Variants in CNIH3 observed in about 807,000 individuals in gnomAD.
The protein encoded by CNIH3 is cornichon family AMPA receptor auxiliary protein 3.
CNIH3 carries 14 observed loss-of-function variants against 24.1 expected under a neutral mutation model. That is an observed-to-expected ratio of 0.58 (90% CI 0.38 to 0.91). The LOEUF (loss-of-function observed/expected upper bound fraction) is 0.91. Ranked by LOEUF, CNIH3 falls within the 40% of genes least tolerant of loss-of-function variation. The pLI is 0.00. For synonymous variants in CNIH3, 68 were observed against 73.8 expected (o/e 0.92, Z 0.40); for missense variants, 178 against 196.8 (o/e 0.90, Z 0.57).
intron 3 of CNIH3, among the ~76,000 whole-genome samples, chr1:224,696,203 T>C (rs1361705230): frequency 6.6e-6 from 1 of 152,214 alleles, no homozygotes; most frequent in Non-Finnish European, 1.5e-5. Flanking sequence ...TCCTTGTCCA[T>C]GTGGACCATG....
chr1:224,529,989 C>T (rs791511), intron 2 of CNIH3, among the ~76,000 whole-genome samples: 4 of 151,988 alleles, frequency 2.6e-5, no homozygotes, highest in Admixed American at 6.6e-5. Context: ...TATTGCTGAG[C>T]GCTTGCTATG....
At chr1:224,607,955 T>G (rs1682503445) in intron 3 of CNIH3, among the ~76,000 whole-genome samples, 1 of 152,182 alleles carries the variant, frequency 6.6e-6, no homozygotes. Context: ...TGCAATAAAT[T>G]ACATGCAAGA....
rs780005600 is a variant in CNIH3, at chr1:224,734,559, G to A, written c.312-4G>A. The A allele has an allele frequency of 1.9e-6, 3 of 1,614,022 alleles. No homozygotes were observed. In the Admixed American group the frequency reaches 5.0e-5, roughly 27 times the overall value. On this transcript the variant is annotated splice_region_variant and splice_polypyrimidine_tract_variant and intron_variant, in intron 4 of 5. Coordinates refer to ENST00000272133, the MANE Select transcript of CNIH3 (RefSeq NM_152495.2). ...AGAGACAATGATGTCCTCTCTCCCT[G>A]CAGGTATTTCCACTGTCCAGCAGAT...
intron 1 of CNIH3, among the ~76,000 whole-genome samples, chr1:224,641,330 A>G (rs1293064487): frequency 1.3e-5 from 2 of 152,154 alleles, no homozygotes; most frequent in East Asian, 3.9e-4. Flanking sequence ...CCTAAGCTTG[A>G]CATGTATGAC....
At chr1:224,446,609 G>T (rs181405302) in intron 1 of CNIH3, among the ~76,000 whole-genome samples, 1 of 152,072 alleles carries the variant, frequency 6.6e-6, no homozygotes. Flanking sequence ...AAAGATGAAC[G>T]CCCACATCAG....
chr1:224,530,842 C>A (rs902116777), intron 2 of CNIH3, among the ~76,000 whole-genome samples: 2 of 152,174 alleles, frequency 1.3e-5, no homozygotes, highest in African/African-American at 4.8e-5. Flanking sequence ...TTGTGATACA[C>A]CTGCCTCGGC....
intron 1 of CNIH3, among the ~76,000 whole-genome samples, chr1:224,519,881 T>C (rs1369799291): frequency 6.6e-6 from 1 of 152,160 alleles, no homozygotes; most frequent in Non-Finnish European, 1.5e-5. Context: ...ATTGATTTTG[T>C]CAGTCACAGT....
At chr1:224,511,162 T>G (rs1192742698), upstream of CNIH3, among the ~76,000 whole-genome samples, 2 of 152,118 alleles carry the variant, frequency 1.3e-5, no homozygotes. Context: ...ATAGGTTTCT[T>G]CTTTATCAGT....
intron 5 of CNIH3, among the ~76,000 whole-genome samples, chr1:224,735,880 G>A (rs1264392827): frequency 6.6e-6 from 1 of 151,872 alleles, no homozygotes; most frequent in Non-Finnish European, 1.5e-5. Context: ...TGCCCAGGCA[G>A]GTCTTGAACT....
chr1:224,661,213 G>A (rs1000139495), intron 1 of CNIH3: 17 of 286,072 alleles, frequency 5.9e-5, no homozygotes, highest in African/African-American at 3.9e-4. Flanking sequence ...ACCATGTATC[G>A]TTAAGGACTT....
intron 1 of CNIH3, among the ~76,000 whole-genome samples, chr1:224,630,260 TGAG>T (rs1318354921): frequency 2.6e-5 from 4 of 152,142 alleles, no homozygotes; most frequent in Non-Finnish European, 4.4e-5. Flanking sequence ...CATCTGTGGT[TGAG>T]GAGGAGAGAG....
chr1:224,472,748 G>T (rs1446606727), intron 1 of CNIH3, among the ~76,000 whole-genome samples: 1 of 152,136 alleles, frequency 6.6e-6, no homozygotes, highest in Non-Finnish European at 1.5e-5. Context: ...ACTTATTCAT[G>T]TAACCAGACA....
At chr1:224,607,203 G>C (rs1444206288) in intron 3 of CNIH3, among the ~76,000 whole-genome samples, 1 of 152,172 alleles carries the variant, frequency 6.6e-6, no homozygotes, top group Non-Finnish European at 1.5e-5. Flanking sequence ...CTTTCCAATG[G>C]TAAGTGCTGT....
chr1:224,465,554 T>G (rs1168930821), intron 1 of CNIH3, among the ~76,000 whole-genome samples: 1 of 152,260 alleles, frequency 6.6e-6, no homozygotes, highest in African/African-American at 2.4e-5. Context: ...CTTACACATT[T>G]GTTATAAACC....
At chr1:224,434,835 T>G in exon 1 of CNIH3, 1 of 985,534 alleles carries the variant, frequency 1.0e-6, no homozygotes, top group Non-Finnish European at 1.2e-6. Flanking sequence ...ATGCCTATAC[T>G]GCCCTCCTCA....
At chr1:224,655,178 G>A in intron 1 of CNIH3, among the ~76,000 whole-genome samples, 1 of 140,512 alleles carries the variant, frequency 7.1e-6, no homozygotes, top group African/African-American at 2.6e-5. Flanking sequence ...TATAGTGGGT[G>A]GGGCTGTCTT....
rs1432765127 is a variant in CNIH3, at chr1:224,703,742, A to C, written c.198+18899A>C. Among the ~76,000 whole-genome samples the C allele has an allele frequency of 6.6e-6, 1 of 152,178 alleles. No individual in the cohort carries two copies. Among genetic ancestry groups the C allele is most frequent in the East Asian group, 1.9e-4 (1 of 5,198 alleles). ...TCATCTTTTTTCATGAGGCAAAAATATTCCTAGTATTTTTATACATGTGAA... is the reference window on the plus strand; with the variant it reads ...TCATCTTTTTTCATGAGGCAAAAATCTTCCTAGTATTTTTATACATGTGAA... On this transcript the variant is annotated intron_variant, in intron 3 of 5. Transcript: ENST00000272133. The surrounding 1 kb of genome is among the most constrained non-coding windows in gnomAD (Gnocchi z 4.2).
chr1:224,736,435 T>G (rs1487710923), intron 5 of CNIH3, among the ~76,000 whole-genome samples: 1 of 152,244 alleles, frequency 6.6e-6, no homozygotes, highest in Non-Finnish European at 1.5e-5. Flanking sequence ...AGCTCTTAAC[T>G]GCTGGCTATC....
intron 1 of CNIH3, among the ~76,000 whole-genome samples, chr1:224,501,583 ATT>A (rs1222035465): frequency 2.1e-5 from 3 of 140,866 alleles, no homozygotes; most frequent in African/African-American, 2.6e-5. Context: ...TTTATACAGA[ATT>A]TTTTTTTTTT....
Sources: gnomAD v4.1 joint callset for allele counts (sites outside exome capture counted in the v4.1 genomes callset) on GRCh38, gnomAD v4.1.1 for gene constraint, Gnocchi (gnomAD v3.1) non-coding constraint, MANE v1.5 for transcripts, NCBI Gene and HGNC (gene_info 2026-07-23, HGNC 2026-07-21) for gene names.